Variants in CGN observed in about 807,000 individuals in gnomAD.
CGN encodes the protein cingulin.
In CGN, 121 loss-of-function variants were observed where a neutral mutation model predicts 157.1. That is an observed-to-expected ratio of 0.77 (90% CI 0.66 to 0.90). The LOEUF is 0.90. CGN is among the 40% of genes least tolerant of loss of function. CGN has a pLI of 0.00. For missense variants in CGN, 1,424 were observed against 1,520.9 expected (o/e 0.94, Z 1.06); for synonymous variants, 535 against 607.5 (o/e 0.88, Z 1.76).
rs1173604731 is a variant in CGN at position 151,523,438 on chromosome 1, G to A, written c.1145G>A (p.Arg382Gln). Reference sequence around the variant, plus strand: ...TACTCTCATTCCCTTTTACAGAAGCGGCAGAAGCTAGAGCCATCCCAAGTT... The same window carrying A: ...TACTCTCATTCCCTTTTACAGAAGCAGCAGAAGCTAGAGCCATCCCAAGTT... ...QRKLDEEVKK[R>Q]QKLEPSQVGL... The change falls in exon 6 of 21, where the codon CGG becomes CAG. Residue 382 changes from arginine to glutamine, a missense_variant. Around this residue, in one of 3 missense-constraint regions of CGN, gnomAD observed 1,187 missense variants for 1,217.6 expected, o/e 0.97. Coordinates refer to ENST00000271636, the MANE Select transcript of CGN (RefSeq NM_020770.3). 3.0e-5 allele frequency: 48 copies of A among 1,609,292 alleles called. No homozygotes were observed. Among genetic ancestry groups the A allele is most frequent in the Non-Finnish European group, 3.8e-5 (45 of 1,178,190 alleles).
In CGN at chr1:151,536,317, G is replaced by A. The variant is rs765420606; in HGVS notation, c.3278G>A (p.Arg1093Gln). ...KELSIQIEDE[R>Q]QHVNDQKDQL... ...CTATCCATCCAGATTGAAGACGAGC[G>A]GCAGCATGTCAATGACCAGAAAGAC... Residue 1093 changes from arginine to glutamine, a missense_variant, in exon 19 of 21, where the codon CGG (arginine) becomes CAG (glutamine). By Grantham distance (43) the Arg-to-Gln change is conservative (BLOSUM62 1). This residue lies in a region of CGN where 199 missense variants were observed against 272.2 expected (regional missense o/e 0.73). Coordinates refer to ENST00000271636, the MANE Select transcript of CGN (RefSeq NM_020770.3). 3.9e-5 allele frequency: 63 copies of A among 1,610,582 alleles called. No individual in the cohort carries two copies. The highest frequency in any genetic ancestry group is 1.7e-4 in the Middle Eastern group (1 of 6,038).
At chr1:151,521,757 G>C (rs1447013955) in intron 5 of CGN, among the ~76,000 whole-genome samples, 1 of 152,178 alleles carries the variant, frequency 6.6e-6, no homozygotes, top group Admixed American at 6.5e-5. Context: ...AGAATTACTT[G>C]CACCCGGGAG....
At chr1:151,525,559 C>A (rs186615359) in intron 8 of CGN, 83 bp from the exon 9 acceptor site, 106 of 1,245,390 alleles carry the variant, frequency 8.5e-5, no homozygotes, top group Admixed American at 2.3e-4. Context: ...GGGTCTAAGC[C>A]TTTCCTTGTA....
At position 151,537,652 on chromosome 1, in the gene CGN, A is replaced by G; in HGVS notation, c.*306A>G. The G allele has an allele frequency of 3.7e-6, 1 of 269,952 alleles. No homozygotes were observed. Among genetic ancestry groups the G allele is most frequent in the Non-Finnish European group, 7.0e-6 (1 of 141,962 alleles). The allele number at this position is 269,952 out of a possible 1,614,324, so 16.7% of individuals were successfully genotyped here. A position where few individuals can be genotyped will look rare whatever the true frequency, so the allele number is the denominator to read the frequency against. On this transcript the variant is annotated 3_prime_UTR_variant, in exon 21 of 21. Transcript: ENST00000271636. Reference sequence around the variant, plus strand: ...TAGGCTGATGGGGACTGAGAAGGATAGGAAGGGATAGAAATTGCCATGTGT... The same window carrying G: ...TAGGCTGATGGGGACTGAGAAGGATGGGAAGGGATAGAAATTGCCATGTGT...
In CGN at chr1:151,524,130, G is replaced by A; in HGVS notation, c.1269-96G>A. On this transcript the variant is annotated intron_variant, in intron 6 of 20. Transcript: ENST00000271636. The surrounding 1 kb of genome is among the most constrained non-coding windows in gnomAD (Gnocchi z 4.4). ...GAGGCCTCATCAAGATTTGAAGGAA[G>A]GAAGTTTAAATGCATTAATAAATAT... 8.3e-7 allele frequency: 1 copy of A among 1,198,780 alleles called. No individual in the cohort carries two copies. The highest frequency in any genetic ancestry group is 1.2e-6 in the Non-Finnish European group (1 of 859,596). 74.3% of individuals were successfully genotyped at this position (1,198,780 alleles called of 1,614,324 possible). A position where few individuals can be genotyped will look rare whatever the true frequency, so the allele number is the denominator to read the frequency against.
chr1:151,518,052 GC>G (rs1290688206), intron 1 of CGN, among the ~76,000 whole-genome samples: 1 of 152,030 alleles, frequency 6.6e-6, no homozygotes, highest in Non-Finnish European at 1.5e-5. Flanking sequence ...TCACCATGTT[GC>G]CCGGACTGGT....
At chr1:151,528,618 T>A (rs1409706460) in intron 10 of CGN, among the ~76,000 whole-genome samples, 1 of 152,084 alleles carries the variant, frequency 6.6e-6, no homozygotes, top group East Asian at 1.9e-4. Context: ...GGTTTCACCA[T>A]GTTGTCCAGG....
intron 13 of CGN, among the ~76,000 whole-genome samples, chr1:151,531,261 C>G (rs1168154621): frequency 6.6e-6 from 1 of 152,172 alleles, no homozygotes; most frequent in African/African-American, 2.4e-5. Flanking sequence ...TTTGCTCTTT[C>G]CCTTACATCC....
chr1:151,535,232 C>A, intron 16 of CGN, 101 bp downstream of exon 16: 1 of 897,640 alleles, frequency 1.1e-6, no homozygotes, highest in South Asian at 1.5e-5. Flanking sequence ...ATCTGGCTGC[C>A]GAATCTGTGC....
chr1:151,524,287 CA>C lies in CGN; in HGVS notation c.1331del (p.Gln444ArgfsTer2), dbSNP rs1483267620. ...AGATTTACGACATGGGCTGGAGACC[CA>C]GGTGATGGAGCTGCAGAACAAGCTG... ...GEDLRHGLET[Q>X]VMELQNKLKH... On this transcript the variant is annotated frameshift_variant, in exon 7 of 21. Coordinates refer to ENST00000271636, the MANE Select transcript of CGN (RefSeq NM_020770.3). LOFTEE classifies it high-confidence loss of function. This position sits in a 1 kb window ranked among gnomAD's most constrained non-coding sequence, Gnocchi z 4.4. 6.2e-7 allele frequency: 1 copy of C among 1,614,180 alleles called. No homozygotes were observed. The highest frequency in any genetic ancestry group is 8.5e-7 in the Non-Finnish European group (1 of 1,180,028).
rs1664792636 is a variant in CGN at position 151,529,943 on chromosome 1, T to C, written c.2141T>C (p.Leu714Pro). ...KMVAEAEATV[L>P]GQRRAAVETT... Reference sequence around the variant, plus strand: ...GTGGCCGAGGCAGAGGCAACAGTGCTGGGGCAGCGGCGGGCCGCAGTGGAG... The same window carrying C: ...GTGGCCGAGGCAGAGGCAACAGTGCCGGGGCAGCGGCGGGCCGCAGTGGAG... The change falls in exon 12 of 21, where the codon CTG becomes CCG. Residue 714 changes from leucine (L) to proline (P), a missense_variant. By Grantham distance (98) the Leu-to-Pro change is moderately conservative (BLOSUM62 -3). Coordinates refer to ENST00000271636, the MANE Select transcript of CGN (RefSeq NM_020770.3). 6.2e-7 allele frequency: 1 copy of C among 1,614,038 alleles called. No homozygotes were observed. Among genetic ancestry groups the C allele is most frequent in the East Asian group, 2.2e-5 (1 of 44,864 alleles).
Position 151,530,707 on chromosome 1 carries a change from G to A in CGN, c.2532G>A (p.Lys844=). 2 of 1,554,502 alleles carry A rather than the reference G, an allele frequency of 1.3e-6. No homozygotes were observed. The highest frequency in any genetic ancestry group is 8.7e-7 in the Non-Finnish European group (1 of 1,148,292). ...RRGKAELEEQ[K]RLLDRTVDRL... ...GCAAGGCTGAGCTGGAGGAGCAGAA[G>A]CGTTTGCTGGACAGGACTGTGGACC... is the stretch of plus-strand genomic sequence containing the variant. Residue 844 remains lysine (K), a synonymous_variant, in exon 13 of 21, where the codon AAG becomes AAA. Coordinates refer to ENST00000271636, the MANE Select transcript of CGN (RefSeq NM_020770.3).
chr1:151,530,548 G>T lies in CGN; in HGVS notation c.2373G>T (p.Leu791=), dbSNP rs779341762. 1 of 1,607,936 alleles carries T rather than the reference G, an allele frequency of 6.2e-7. No homozygotes were observed. Among genetic ancestry groups the T allele is most frequent in the Admixed American group, 1.7e-5 (1 of 59,252 alleles). Residue 791 remains leucine (L), a synonymous_variant, in exon 13 of 21, where the codon CTG becomes CTT. Transcript: ENST00000271636. ...LNASQEEEGS[L]AAAKRALEAR... ...CGTCCCAGGAAGAGGAGGGGAGTCT[G>T]GCAGCAGCCAAGCGGGCACTGGAGG...
chr1:151,525,520 CAG>C lies in CGN; in HGVS notation c.1615-121_1615-120del, dbSNP rs143202417. 1,690 of 633,416 alleles carry C rather than the reference CAG, an allele frequency of 2.7e-3. 24 individuals are homozygous for C. Among genetic ancestry groups the C allele is most frequent in the African/African-American group, 0.021 (1,093 of 52,110 alleles). The allele number at this position is 633,416 out of a possible 1,614,324, so 39.2% of individuals were successfully genotyped here. ...ATTGTACCAGGTACCACAAGAGTGT[CAG>C]GGGGTGCACCTGGCATGGTGCCCTC... On this transcript the variant is annotated intron_variant, in intron 8 of 20. Transcript: ENST00000271636.
chr1:151,530,943 C>T (rs930421637), intron 13 of CGN, among the ~76,000 whole-genome samples, 197 bp downstream of exon 13: 4 of 152,008 alleles, frequency 2.6e-5, no homozygotes, highest in African/African-American at 9.7e-5. Context: ...AGTTTGAGAC[C>T]AGCCTGGCCA....
rs1158300711 is a variant in CGN at position 151,532,450 on chromosome 1, G to A, written c.2620G>A (p.Ala874Thr). The change falls in exon 14 of 21, where the codon GCC becomes ACC. Residue 874 changes from alanine to threonine, a missense_variant. Ala to Thr is a moderately conservative substitution (Grantham distance 58). This residue lies in a region of CGN where 1,187 missense variants were observed against 1,217.6 expected (regional missense o/e 0.97). Coordinates refer to ENST00000271636, the MANE Select transcript of CGN (RefSeq NM_020770.3). ...DSKQALQQLQ[A>T]QLEDYKEKAR... ...TAAGCAAGCCCTGCAGCAGCTCCAGGCCCAGCTGGAGGATTATAAGGAAAA... is the reference window on the plus strand; with the variant it reads ...TAAGCAAGCCCTGCAGCAGCTCCAGACCCAGCTGGAGGATTATAAGGAAAA... The A allele has an allele frequency of 1.2e-6, 2 of 1,602,256 alleles. No homozygotes were observed. The highest frequency in any genetic ancestry group is 2.7e-5 in the African/African-American group (2 of 74,074).
intron 1 of CGN, among the ~76,000 whole-genome samples, chr1:151,512,127 C>T (rs367817238): frequency 2.0e-5 from 3 of 152,166 alleles, no homozygotes; most frequent in Non-Finnish European, 1.5e-5. Context: ...GGTGTACAAC[C>T]ATTAGGCTTT....
intron 6 of CGN, among the ~76,000 whole-genome samples, chr1:151,523,974 T>C (rs1664608581): frequency 6.6e-6 from 1 of 152,140 alleles, no homozygotes; most frequent in Non-Finnish European, 1.5e-5. Context: ...TAGTTTCTAC[T>C]GAGAGGGAAC....
At position 151,519,210 on chromosome 1, in the gene CGN, T is replaced by C; in HGVS notation, c.691T>C (p.Ser231Pro). 1.2e-6 allele frequency: 2 copies of C among 1,614,078 alleles called. No homozygotes were observed. Among genetic ancestry groups the C allele is most frequent in the Non-Finnish European group, 1.7e-6 (2 of 1,180,036 alleles). ...RDTFEERERQ[S>P]TNHWTSSTKY... ...CACCTTTGAGGAACGGGAGCGCCAGTCCACCAACCACTGGACCTCTAGCAC... is the reference window on the plus strand; with the variant it reads ...CACCTTTGAGGAACGGGAGCGCCAGCCCACCAACCACTGGACCTCTAGCAC... The change falls in exon 2 of 21, where the codon TCC becomes CCC. Residue 231 changes from serine (S) to proline (P), a missense_variant. Physicochemically the swap from Ser to Pro is moderately conservative, Grantham distance 74. Coordinates refer to ENST00000271636, the MANE Select transcript of CGN (RefSeq NM_020770.3).
Sources: gnomAD v4.1 joint callset for allele counts (sites outside exome capture counted in the v4.1 genomes callset) on GRCh38, gnomAD v4.1.1 for gene constraint, gnomAD v4.1.1 regional missense constraint, Gnocchi (gnomAD v3.1) non-coding constraint, MANE v1.5 for transcripts, NCBI Gene and HGNC (gene_info 2026-07-23, HGNC 2026-07-21) for gene names.